The following GABRA2 variants were observed in gnomAD, a reference collection of about 807,000 sequenced individuals.
GABRA2 encodes gamma-aminobutyric acid receptor subunit alpha-2.
A neutral mutation model predicts 48.7 loss-of-function variants in GABRA2; 16 were observed. That is an observed-to-expected ratio of 0.33 (90% CI 0.22 to 0.50). The LOEUF (loss-of-function observed/expected upper bound fraction) is 0.50, where lower values mean the gene tolerates loss of function less well. GABRA2 is among the 20% of genes least tolerant of loss of function. The pLI is 0.98. For synonymous variants in GABRA2, 185 were observed against 184.5 expected, an observed-to-expected ratio of 1.00 and a Z score of -0.02; for missense variants, 275 against 535.6, an observed-to-expected ratio of 0.51 and a Z score of 4.80.
At chr4:46,253,430 G>A (rs1291209061) in intron 9 of GABRA2, among the ~76,000 whole-genome samples, 2 of 151,406 alleles carry the variant, frequency 1.3e-5, no homozygotes, top group Admixed American at 1.3e-4. Flanking sequence ...TTGTATGTTG[G>A]CACTTTTTGT....
chr4:46,375,423 G>A (rs1715542768), intron 3 of GABRA2, among the ~76,000 whole-genome samples: 1 of 151,194 alleles, frequency 6.6e-6, no homozygotes, highest in Non-Finnish European at 1.5e-5. Context: ...TTCATGTCTA[G>A]TTTTTTTTTC....
At chr4:46,339,264 C>G (rs1287142741) in intron 3 of GABRA2, among the ~76,000 whole-genome samples, 1 of 151,802 alleles carries the variant, frequency 6.6e-6, no homozygotes, top group Admixed American at 6.6e-5. Flanking sequence ...CCTTAGTACA[C>G]TGGTCATATT....
In GABRA2 at chr4:46,330,591, T is replaced by TATAGAGAGAGAGAG. The variant is rs1411755120; in HGVS notation, c.255+2023_255+2024insCTCTCTCTCTCTAT. 3.1e-3 allele frequency among the ~76,000 whole-genome samples: 384 copies of TATAGAGAGAGAGAG among 122,646 alleles called. 2 individuals carry two copies. Among genetic ancestry groups the TATAGAGAGAGAGAG allele is most frequent in the East Asian group, 0.029 (92 of 3,228 alleles). 80.5% of individuals were successfully genotyped at this position (122,646 alleles called of 152,430 possible). On this transcript the variant is annotated intron_variant, in intron 4 of 9. Coordinates refer to ENST00000381620, the MANE Select transcript of GABRA2 (RefSeq NM_000807.4). ...ATATATATATATATATATATATATATAGAGAGAGAGAGAGAGAGATGTTTT... is the reference window on the plus strand; with the variant it reads ...ATATATATATATATATATATATATATATAGAGAGAGAGAGAGAGAGAGAGAGAGAGAGATGTTTT...
intron 5 of GABRA2, among the ~76,000 whole-genome samples, chr4:46,312,234 C>T (rs370561822): frequency 5.7e-4 from 86 of 151,778 alleles, no homozygotes; most frequent in Admixed American, 1.1e-3. Flanking sequence ...ATAAAAATGT[C>T]GTGAAGAATA....
intron 8 of GABRA2, among the ~76,000 whole-genome samples, chr4:46,281,935 T>G (rs1721615966): frequency 6.6e-6 from 1 of 152,096 alleles, no homozygotes. Flanking sequence ...GGAATAATGC[T>G]CTCAAGCAGG....
chr4:46,266,289 A>G (rs1577825635), intron 8 of GABRA2, among the ~76,000 whole-genome samples: 1 of 148,014 alleles, frequency 6.8e-6, no homozygotes, highest in East Asian at 2.0e-4. Flanking sequence ...GATAGTAAAC[A>G]AATTATTATA....
chr4:46,277,228 G>A (rs1362397160), intron 8 of GABRA2, among the ~76,000 whole-genome samples: 1 of 152,126 alleles, frequency 6.6e-6, no homozygotes, highest in African/African-American at 2.4e-5. Flanking sequence ...GCTTATTAAT[G>A]TATTTTGCTT....
rs192058396 is a variant in GABRA2 at position 46,317,878 on chromosome 4, G to A, written c.256-5162C>T. 2.3e-3 allele frequency among the ~76,000 whole-genome samples: 348 copies of A among 151,788 alleles called. 1 individual carries two copies. Among genetic ancestry groups the A allele is most frequent in the African/African-American group, 8.0e-3 (330 of 41,508 alleles). ...AAAATAAGTTTCATCTTAAACACATGTTGTAATTTAAAATACTGGTCAATG... is the reference window on the plus strand; with the variant it reads ...AAAATAAGTTTCATCTTAAACACATATTGTAATTTAAAATACTGGTCAATG... On this transcript the variant is annotated intron_variant, in intron 4 of 9. Transcript: ENST00000381620.
chr4:46,309,389 C>T (rs1486950632), intron 6 of GABRA2, among the ~76,000 whole-genome samples: 1 of 151,974 alleles, frequency 6.6e-6, no homozygotes, highest in East Asian at 1.9e-4. Context: ...TCAGAAGGGA[C>T]AAAGATGAGG....
Position 46,389,776 on chromosome 4 carries a change from C to G in GABRA2, c.-52G>C. On this transcript the variant is annotated 5_prime_UTR_variant, in exon 1 of 10. Transcript: ENST00000381620. ...AATTCGGTGTTTTCTTCCTTTTGCC[C>G]TGATCTTGACGAGATAGGAAACTTG... 1.0e-6 allele frequency: 1 copy of G among 964,228 alleles called. No individual in the cohort carries two copies. Among genetic ancestry groups the G allele is most frequent in the Non-Finnish European group, 1.2e-6 (1 of 825,970 alleles). 59.7% of individuals were successfully genotyped at this position (964,228 alleles called of 1,614,324 possible).
chr4:46,304,696 G>T (rs911210620), intron 7 of GABRA2, among the ~76,000 whole-genome samples: 1 of 151,996 alleles, frequency 6.6e-6, no homozygotes, highest in East Asian at 1.9e-4. Context: ...TTGGGAGGCC[G>T]AGGCAGGCTG....
At position 46,247,739 on chromosome 4, in the gene GABRA2, T is replaced by G. The variant is rs1300252386; in HGVS notation, c.*2569A>C. Among the ~76,000 whole-genome samples, 1 of 151,360 alleles carries G rather than the reference T, an allele frequency of 6.6e-6. No individual in the cohort carries two copies. The highest frequency in any genetic ancestry group is 6.6e-5 in the Admixed American group (1 of 15,130). Reference sequence around the variant, plus strand: ...CCTTTTAAATTTGTTTTTAAATTGGTTCATGGAAAGGATTATAATTGTTAC... The same window carrying G: ...CCTTTTAAATTTGTTTTTAAATTGGGTCATGGAAAGGATTATAATTGTTAC... On this transcript the variant is annotated 3_prime_UTR_variant, in exon 10 of 10. Transcript: ENST00000381620.
At chr4:46,324,169 T>C (rs1729930113) in intron 4 of GABRA2, among the ~76,000 whole-genome samples, 1 of 152,042 alleles carries the variant, frequency 6.6e-6, no homozygotes, top group African/African-American at 2.4e-5. Context: ...CTTCTGTTTT[T>C]AATCTAATGA....
intron 8 of GABRA2, among the ~76,000 whole-genome samples, chr4:46,292,057 G>T (rs1238826332): frequency 2.0e-5 from 3 of 152,036 alleles, no homozygotes; most frequent in Non-Finnish European, 4.4e-5. Flanking sequence ...CCAAATGAGT[G>T]CATTTGACAC....
At chr4:46,376,753 TCCCTC>T (rs1560601277) in intron 3 of GABRA2, among the ~76,000 whole-genome samples, 24 of 151,032 alleles carry the variant, frequency 1.6e-4, no homozygotes, top group Admixed American at 9.9e-4. Context: ...CCTCTCCCTC[TCCCTC>T]TCCCTCTCCC....
At chr4:46,315,153 T>TTC (rs368216609) in intron 4 of GABRA2, among the ~76,000 whole-genome samples, 18 of 151,318 alleles carry the variant, frequency 1.2e-4, no homozygotes, top group Admixed American at 1.1e-3. Flanking sequence ...TTTTTTTTTT[T>TTC]CTAACTTTTT....
At chr4:46,386,513 T>G (rs760873733) in intron 2 of GABRA2, among the ~76,000 whole-genome samples, 8 of 152,214 alleles carry the variant, frequency 5.3e-5, no homozygotes, top group Non-Finnish European at 1.2e-4. Context: ...GATTAACACA[T>G]GCAAACACTA....
At chr4:46,368,761 G>T (rs1714438563) in intron 3 of GABRA2, 1 of 421,912 alleles carries the variant, frequency 2.4e-6, no homozygotes, top group African/African-American at 2.0e-5. Context: ...TAAAAATGGA[G>T]ATCTTCAACA....
In GABRA2 at chr4:46,272,417, A is replaced by T. The variant is rs188623924; in HGVS notation, c.857-10289T>A. 6.8e-3 allele frequency among the ~76,000 whole-genome samples: 1,035 copies of T among 152,118 alleles called. 9 individuals are homozygous for T. Among genetic ancestry groups the T allele is most frequent in the Middle Eastern group, 0.017 (5 of 294 alleles). ...TTATTTTTTAGGATAATTGCAAGAA[A>T]CCTATACTTTCTTTTATGAAGCAAG... On this transcript the variant is annotated intron_variant, in intron 8 of 9. Coordinates refer to ENST00000381620, the MANE Select transcript of GABRA2 (RefSeq NM_000807.4).
Sources: gnomAD v4.1 joint callset for allele counts (sites outside exome capture counted in the v4.1 genomes callset) on GRCh38, gnomAD v4.1.1 for gene constraint, MANE v1.5 for transcripts, NCBI Gene and HGNC (gene_info 2026-07-23, HGNC 2026-07-21) for gene names.